Variants in TRPM3 observed in about 807,000 individuals in gnomAD.
TRPM3 encodes transient receptor potential cation channel subfamily M member 3, also known as long transient receptor potential channel 3.
TRPM3 carries 77 observed loss-of-function variants against 181.2 expected under a neutral mutation model. The observed-to-expected ratio is 0.42, with a 90% CI of 0.35 to 0.51. The LOEUF (loss-of-function observed/expected upper bound fraction) is 0.51. Among genes scored for constraint, TRPM3 ranks in the 20% least tolerant of loss-of-function variants. The pLI is 0.01. For missense variants in TRPM3, 1,759 were observed against 2,196.7 expected, an observed-to-expected ratio of 0.80 and a Z score of 3.98; for synonymous variants, 745 against 796.4, an observed-to-expected ratio of 0.94 and a Z score of 1.09.
chr9:70,801,240 T>C (rs947654498), intron 6 of TRPM3, among the ~76,000 whole-genome samples: 17 of 152,172 alleles, frequency 1.1e-4, no homozygotes, highest in African/African-American at 3.4e-4. Flanking sequence ...TAGATACAAA[T>C]CTCAAATATT....
chr9:70,561,346 C>G (rs2132006171), intron 22 of TRPM3, among the ~76,000 whole-genome samples: 1 of 152,316 alleles, frequency 6.6e-6, no homozygotes, highest in East Asian at 1.9e-4. Flanking sequence ...TGGCCTTTTC[C>G]TGACACAACG....
chr9:71,277,545 C>G (rs1466977286), intron 1 of TRPM3, among the ~76,000 whole-genome samples: 1 of 151,666 alleles, frequency 6.6e-6, no homozygotes, highest in Non-Finnish European at 1.5e-5. Context: ...TTTTTTTTAA[C>G]TGATTTAAAA....
intron 1 of TRPM3, among the ~76,000 whole-genome samples, chr9:70,915,478 T>A (rs577236540): frequency 4.3e-4 from 65 of 151,586 alleles, no homozygotes; most frequent in African/African-American, 1.3e-3. Context: ...TTTTTTTTTT[T>A]TTATTTTTAG....
rs138960579 is a variant in TRPM3, at chr9:71,091,526, T to C, written c.177+29652A>G. 1.1e-3 allele frequency among the ~76,000 whole-genome samples: 170 copies of C among 152,234 alleles called. 3 individuals are homozygous for C. The highest frequency in any genetic ancestry group is 3.7e-3 in the African/African-American group (152 of 41,556). Reference sequence around the variant, plus strand: ...ATACAATGATATGAATTTGGAGTTGTTGCCGTTACCTTGAGCCACAAGAGG... The same window carrying C: ...ATACAATGATATGAATTTGGAGTTGCTGCCGTTACCTTGAGCCACAAGAGG... On this transcript the variant is annotated intron_variant, in intron 1 of 25. Coordinates refer to ENST00000677713, the MANE Select transcript of TRPM3 (RefSeq NM_001366145.2).
intron 22 of TRPM3, among the ~76,000 whole-genome samples, chr9:70,560,137 G>T (rs1302087129): frequency 2.0e-5 from 3 of 152,158 alleles, no homozygotes; most frequent in Non-Finnish European, 4.4e-5. Context: ...CTTCTTACCA[G>T]TTCTGTAAGA....
At chr9:70,913,711 A>T (rs1564746881) in intron 1 of TRPM3, among the ~76,000 whole-genome samples, 1 of 151,626 alleles carries the variant, frequency 6.6e-6, no homozygotes, top group Non-Finnish European at 1.5e-5. Context: ...TAATGGATGA[A>T]TTTTTTTTTG....
chr9:70,841,473 T>A (rs1312708302), intron 5 of TRPM3, among the ~76,000 whole-genome samples: 1 of 101,990 alleles, frequency 9.8e-6, no homozygotes, highest in African/African-American at 3.6e-5. Flanking sequence ...CTAATGGATT[T>A]AAAGTGTTTT....
intron 1 of TRPM3, among the ~76,000 whole-genome samples, chr9:71,066,560 C>T (rs913952494): frequency 6.6e-6 from 1 of 152,096 alleles, no homozygotes; most frequent in African/African-American, 2.4e-5. Flanking sequence ...TACTGTTTTG[C>T]AACAGCTTAG....
At chr9:71,363,699 A>T (rs1346353059) in intron 1 of TRPM3, among the ~76,000 whole-genome samples, 1 of 152,194 alleles carries the variant, frequency 6.6e-6, no homozygotes, top group African/African-American at 2.4e-5. Context: ...TACGCACTGC[A>T]CTTCCTCTGG....
chr9:71,133,557 C>G (rs1252333294), intron 1 of TRPM3, among the ~76,000 whole-genome samples: 2 of 152,154 alleles, frequency 1.3e-5, no homozygotes, highest in African/African-American at 4.8e-5. Context: ...CTCGGCCTCC[C>G]AAGGTGCTGG....
chr9:70,604,694 A>C (rs1042926917), intron 19 of TRPM3, among the ~76,000 whole-genome samples: 1 of 152,156 alleles, frequency 6.6e-6, no homozygotes, highest in Non-Finnish European at 1.5e-5. Flanking sequence ...CCCAGGCTGG[A>C]GTGCAGTGGC....
chr9:71,194,647 A>G (rs2078235770), intron 1 of TRPM3, among the ~76,000 whole-genome samples: 1 of 151,988 alleles, frequency 6.6e-6, no homozygotes, highest in South Asian at 2.1e-4. Flanking sequence ...GTGAATTCCT[A>G]CTGCGTGAAA....
intron 1 of TRPM3, among the ~76,000 whole-genome samples, chr9:71,019,719 A>C (rs1017646848): frequency 1.3e-5 from 2 of 152,168 alleles, no homozygotes; most frequent in African/African-American, 2.4e-5. Context: ...ACAAATTGGC[A>C]ATCTGATTCT....
intron 1 of TRPM3, among the ~76,000 whole-genome samples, chr9:71,146,784 T>A (rs969930061): frequency 2.0e-5 from 3 of 152,150 alleles, no homozygotes; most frequent in African/African-American, 7.2e-5. Context: ...AGCTGGTAGC[T>A]TTTCATAATT....
chr9:71,185,070 G>C (rs1264022106), intron 1 of TRPM3, among the ~76,000 whole-genome samples: 3 of 152,110 alleles, frequency 2.0e-5, no homozygotes, highest in Non-Finnish European at 4.4e-5. Flanking sequence ...TGAGCTAAGT[G>C]CATGCTCAGA....
intron 12 of TRPM3, among the ~76,000 whole-genome samples, chr9:70,627,398 G>A (rs973241928): frequency 2.0e-5 from 3 of 149,490 alleles, no homozygotes; most frequent in Admixed American, 1.4e-4. Context: ...TCAGCCTCCC[G>A]AGTAGCTTGG....
At chr9:71,178,291 TTTTG>T (rs2077216947) in intron 1 of TRPM3, among the ~76,000 whole-genome samples, 1 of 152,122 alleles carries the variant, frequency 6.6e-6, no homozygotes, top group Non-Finnish European at 1.5e-5. Flanking sequence ...ACTCAATATG[TTTTG>T]TTTTATTATA....
chr9:70,953,602 A>G (rs2097029676), intron 1 of TRPM3, among the ~76,000 whole-genome samples: 1 of 152,146 alleles, frequency 6.6e-6, no homozygotes, highest in South Asian at 2.1e-4. Context: ...ATTATTTAAT[A>G]TGAGGTGAGA....
At chr9:70,656,052 G>C (rs1446481366) in intron 9 of TRPM3, among the ~76,000 whole-genome samples, 1 of 152,104 alleles carries the variant, frequency 6.6e-6, no homozygotes, top group Admixed American at 6.5e-5. Context: ...CTAGTTAAAT[G>C]CTTTGTCAAG....
Sources: gnomAD v4.1 joint callset for allele counts (sites outside exome capture counted in the v4.1 genomes callset) on GRCh38, gnomAD v4.1.1 for gene constraint, MANE v1.5 for transcripts, NCBI Gene and HGNC (gene_info 2026-07-23, HGNC 2026-07-21) for gene names.